The following ZNF678 variants were observed in gnomAD, a reference collection of about 807,000 sequenced individuals.
ZNF678 encodes the protein zinc finger protein 678.
In ZNF678, 5 loss-of-function variants were observed where a neutral mutation model predicts 3.0. The observed-to-expected ratio is 1.69, with a 90% confidence interval of 0.88 to 3.56. ZNF678 has a LOEUF of 3.56. ZNF678 is among the 30% of genes most tolerant of loss of function. ZNF678 has a pLI of 0.00. For missense variants in ZNF678, 593 were observed against 605.0 expected (o/e 0.98, Z 0.21); for synonymous variants, 218 against 199.6 (o/e 1.09, Z -0.78).
At chr1:227,651,534 A>G (rs1375190148) in intron 3 of ZNF678, among the ~76,000 whole-genome samples, 1 of 152,166 alleles carries the variant, frequency 6.6e-6, no homozygotes, top group Non-Finnish European at 1.5e-5. Flanking sequence ...CTTCTTGACT[A>G]TGGCTGGGAG....
At chr1:227,628,851 T>A (rs1164348003) in intron 1 of ZNF678, among the ~76,000 whole-genome samples, 3 of 152,170 alleles carry the variant, frequency 2.0e-5, no homozygotes, top group Non-Finnish European at 2.9e-5. Flanking sequence ...ATCCCAACAG[T>A]CCAGGTGAGT....
At chr1:227,573,519 T>C (rs1656909330) in intron 1 of ZNF678, among the ~76,000 whole-genome samples, 2 of 152,232 alleles carry the variant, frequency 1.3e-5, no homozygotes, top group African/African-American at 4.8e-5. Context: ...AAAATGCAGC[T>C]ATTTTAGCAT....
At chr1:227,563,843 C>T in intron 1 of ZNF678, 119 bp downstream of exon 1, 1 of 949,930 alleles carries the variant, frequency 1.1e-6, no homozygotes, top group Non-Finnish European at 1.5e-6. Context: ...TGGGTAGGGG[C>T]GGGGCCAGGC....
At chr1:227,564,388 T>A (rs1024741953) in intron 1 of ZNF678, among the ~76,000 whole-genome samples, 1 of 152,218 alleles carries the variant, frequency 6.6e-6, no homozygotes, top group African/African-American at 2.4e-5. Context: ...ATTAATATTC[T>A]TTTTCATGTA....
At chr1:227,598,594 A>T (rs972151971) in intron 1 of ZNF678, 77 of 636,450 alleles carry the variant, frequency 1.2e-4, no homozygotes, top group Non-Finnish European at 1.9e-5. Context: ...AAGGACTTGG[A>T]TGATAAAGGT....
chr1:227,636,746 C>G lies in ZNF678; in HGVS notation c.-163-9798C>G, dbSNP rs187896637. Among the ~76,000 whole-genome samples the G allele has an allele frequency of 4.8e-3, 729 of 152,188 alleles. 23 individuals carry two copies. Among genetic ancestry groups the G allele is most frequent in the Admixed American group, 0.043 (659 of 15,294 alleles). On this transcript the variant is annotated intron_variant, in intron 1 of 3. Transcript: ENST00000343776. ...GAGTAGCCTTGGGGGTGAGCTTGAC[C>G]CTGGTGCAGTAGACCCAGTGGGGGA... is the stretch of plus-strand genomic sequence containing the variant.
intron 1 of ZNF678, among the ~76,000 whole-genome samples, chr1:227,564,750 A>G (rs1362760039): frequency 1.3e-5 from 2 of 152,070 alleles, no homozygotes; most frequent in African/African-American, 4.8e-5. Context: ...TTTTTTCTTT[A>G]AGAAGGAGTC....
chr1:227,672,638 G>C (rs1220349894), intron 5 of ZNF678, among the ~76,000 whole-genome samples: 1 of 152,098 alleles, frequency 6.6e-6, no homozygotes, highest in African/African-American at 2.4e-5. Context: ...GCCCAGGCTT[G>C]TGTGACTTGA....
At chr1:227,579,657 C>T (rs552023378) in intron 1 of ZNF678, among the ~76,000 whole-genome samples, 21 of 152,180 alleles carry the variant, frequency 1.4e-4, no homozygotes, top group African/African-American at 4.8e-4. Flanking sequence ...CTTCACCAGT[C>T]GGGCATAGTG....
chr1:227,620,280 T>C (rs964451529), intron 1 of ZNF678, among the ~76,000 whole-genome samples: 5 of 152,180 alleles, frequency 3.3e-5, no homozygotes, highest in African/African-American at 1.2e-4. Context: ...TGCTCCTTTT[T>C]CCCCCCTTCC....
chr1:227,676,332 G>GACTGTTGTTGT (rs1659679193), intron 5 of ZNF678, among the ~76,000 whole-genome samples: 1 of 152,130 alleles, frequency 6.6e-6, no homozygotes, highest in Non-Finnish European at 1.5e-5. Context: ...AACAGTGTAA[G>GACTGTTGTTGT]ACTACCAAAT....
chr1:227,679,627 A>G (rs1659734089), downstream of ZNF678, among the ~76,000 whole-genome samples: 1 of 151,912 alleles, frequency 6.6e-6, no homozygotes, highest in Non-Finnish European at 1.5e-5. Context: ...GAGACAGGAG[A>G]CTTGCCGATG....
At chr1:227,636,822 C>T (rs1658691346) in intron 1 of ZNF678, among the ~76,000 whole-genome samples, 1 of 152,068 alleles carries the variant, frequency 6.6e-6, no homozygotes, top group Non-Finnish European at 1.5e-5. Flanking sequence ...AGTGTAGGGG[C>T]CTGTCCATTT....
intron 1 of ZNF678, among the ~76,000 whole-genome samples, chr1:227,615,167 A>G (rs1658113068): frequency 6.6e-6 from 1 of 152,220 alleles, no homozygotes; most frequent in Admixed American, 6.5e-5. Context: ...CTGAATCTCA[A>G]CTACTGTTAT....
chr1:227,604,210 C>T (rs1275846796), intron 1 of ZNF678, among the ~76,000 whole-genome samples: 1 of 152,176 alleles, frequency 6.6e-6, no homozygotes, highest in Admixed American at 6.5e-5. Context: ...GGAGCTGATG[C>T]ACCAATATGG....
chr1:227,629,840 C>G (rs1277625842), intron 1 of ZNF678, among the ~76,000 whole-genome samples: 2 of 152,168 alleles, frequency 1.3e-5, no homozygotes, highest in Non-Finnish European at 2.9e-5. Context: ...TCCTTGCAGA[C>G]CGCACTGGAA....
chr1:227,568,903 A>G (rs913854801), intron 1 of ZNF678, among the ~76,000 whole-genome samples: 3 of 152,132 alleles, frequency 2.0e-5, no homozygotes, highest in African/African-American at 4.8e-5. Context: ...GTTTTGTCAA[A>G]AGTGCAGGAG....
At chr1:227,647,329 G>GT (rs984809845) in intron 2 of ZNF678, among the ~76,000 whole-genome samples, 2 of 152,128 alleles carry the variant, frequency 1.3e-5, no homozygotes, top group African/African-American at 4.8e-5. Flanking sequence ...TCAGAAAATA[G>GT]TATTTTTGGA....
At chr1:227,580,873 T>A (rs1296073315) in intron 1 of ZNF678, among the ~76,000 whole-genome samples, 1 of 151,226 alleles carries the variant, frequency 6.6e-6, no homozygotes, top group Non-Finnish European at 1.5e-5. Context: ...GAGGTTGCAG[T>A]GAGCTGAGAT....
Sources: gnomAD v4.1 joint callset for allele counts (sites outside exome capture counted in the v4.1 genomes callset) on GRCh38, gnomAD v4.1.1 for gene constraint, MANE v1.5 for transcripts, NCBI Gene and HGNC (gene_info 2026-07-23, HGNC 2026-07-21) for gene names.